The following MYO5B variants were observed in gnomAD, a reference collection of about 807,000 sequenced individuals.
The protein encoded by MYO5B is unconventional myosin-Vb.
MYO5B carries 143 observed loss-of-function variants against 229.3 expected under a neutral mutation model. The observed-to-expected ratio is 0.62, with a 90% CI of 0.54 to 0.72. The LOEUF (loss-of-function observed/expected upper bound fraction) is 0.72, where lower values mean the gene tolerates loss of function less well. Among genes scored for constraint, MYO5B ranks in the 30% least tolerant of loss-of-function variants. The pLI is 0.00. For missense variants in MYO5B, 2,321 were observed against 2,331.0 expected, an observed-to-expected ratio of 1.00 and a Z score of 0.09; for synonymous variants, 918 against 885.2, an observed-to-expected ratio of 1.04 and a Z score of -0.66.
chr18:50,040,951 TA>T (rs531286694), intron 2 of MYO5B, among the ~76,000 whole-genome samples: 1 of 152,220 alleles, frequency 6.6e-6, no homozygotes, highest in Non-Finnish European at 1.5e-5. Context: ...TGGACAACAT[TA>T]AGCACCCAAA....
At chr18:49,998,410 C>T (rs1464148795) in intron 5 of MYO5B, among the ~76,000 whole-genome samples, 1 of 152,150 alleles carries the variant, frequency 6.6e-6, no homozygotes, top group African/African-American at 2.4e-5. Flanking sequence ...AACTGAAGCA[C>T]GTTGAGCATA....
chr18:49,974,798 G>GACACACACAC (rs10680505), intron 9 of MYO5B, among the ~76,000 whole-genome samples, 183 bp from the exon 10 acceptor site: 17,754 of 130,944 alleles, frequency 0.14, 1,801 homozygotes, highest in Middle Eastern at 0.2. Flanking sequence ...CACACACACA[G>GACACACACAC]ACACACACAC....
At chr18:49,917,633 C>G (rs1425471414) in intron 17 of MYO5B, among the ~76,000 whole-genome samples, 1 of 152,214 alleles carries the variant, frequency 6.6e-6, no homozygotes, top group East Asian at 1.9e-4. Flanking sequence ...GTCTTTTAAC[C>G]TAATCACCCA....
At chr18:50,022,101 C>T (rs1434474850) in intron 4 of MYO5B, among the ~76,000 whole-genome samples, 1 of 151,550 alleles carries the variant, frequency 6.6e-6, no homozygotes. Context: ...TCCCTCCCCA[C>T]CATTTTTTTC....
chr18:49,966,226 T>C (rs1444290672), intron 10 of MYO5B, among the ~76,000 whole-genome samples: 1 of 152,130 alleles, frequency 6.6e-6, no homozygotes, highest in East Asian at 1.9e-4. Flanking sequence ...GGAAATCATT[T>C]AGAGATTAAA....
chr18:50,080,734 G>A (rs1295401482), intron 1 of MYO5B, among the ~76,000 whole-genome samples: 2 of 152,176 alleles, frequency 1.3e-5, no homozygotes, highest in Non-Finnish European at 2.9e-5. Context: ...ACGAAGGATG[G>A]TGCCAGGTTG....
intron 18 of MYO5B, among the ~76,000 whole-genome samples, chr18:49,907,534 T>C (rs1205179740): frequency 6.6e-6 from 1 of 152,162 alleles, no homozygotes; most frequent in Non-Finnish European, 1.5e-5. Flanking sequence ...GAGCTCTTTG[T>C]AAATCAACTG....
chr18:49,921,322 T>G (rs2025073343), intron 17 of MYO5B, among the ~76,000 whole-genome samples: 1 of 151,590 alleles, frequency 6.6e-6, no homozygotes, highest in South Asian at 2.1e-4. Context: ...ACACACACTT[T>G]TCGGGGTAAG....
At chr18:50,100,044 G>T (rs1483177346) in intron 1 of MYO5B, among the ~76,000 whole-genome samples, 1 of 152,152 alleles carries the variant, frequency 6.6e-6, no homozygotes, top group Non-Finnish European at 1.5e-5. Flanking sequence ...TCCAAGCTCA[G>T]ATCCAAGATA....
At chr18:50,091,458 G>C (rs558272313) in intron 1 of MYO5B, among the ~76,000 whole-genome samples, 1 of 152,264 alleles carries the variant, frequency 6.6e-6, no homozygotes, top group Admixed American at 6.5e-5. Flanking sequence ...ACTATGTATA[G>C]ATGGCACTTC....
intron 1 of MYO5B, among the ~76,000 whole-genome samples, chr18:50,095,884 G>A (rs1402360212): frequency 2.6e-5 from 4 of 152,200 alleles, no homozygotes; most frequent in Admixed American, 6.5e-5. Context: ...AATATCCTTA[G>A]AGATGAAAGT....
At chr18:49,828,283 A>G (rs540407404) in intron 39 of MYO5B, among the ~76,000 whole-genome samples, 31 of 152,390 alleles carry the variant, frequency 2.0e-4, no homozygotes, top group African/African-American at 7.5e-4. Context: ...GTCTGCTAAG[A>G]ATTCTAAATC....
chr18:49,924,398 T>C (rs554055084), intron 17 of MYO5B, among the ~76,000 whole-genome samples: 20 of 152,300 alleles, frequency 1.3e-4, no homozygotes, highest in Admixed American at 1.0e-3. Context: ...CCTAGGCTCA[T>C]TGAGATTAAT....
At chr18:50,155,814 C>A (rs1392176363) in intron 1 of MYO5B, among the ~76,000 whole-genome samples, 1 of 152,178 alleles carries the variant, frequency 6.6e-6, no homozygotes, top group Non-Finnish European at 1.5e-5. Context: ...CCACTACAAA[C>A]CAAGATCCAA....
chr18:49,974,780 C>CACACACACACAG (rs2025728733), intron 9 of MYO5B, among the ~76,000 whole-genome samples, 165 bp from the exon 10 acceptor site: 3 of 41,350 alleles, frequency 7.3e-5, no homozygotes, highest in Non-Finnish European at 1.5e-4. Flanking sequence ...CAGTCTCTCT[C>CACACACACACAG]ACACACACAC....
chr18:50,059,985 T>A (rs1012393063), intron 1 of MYO5B, among the ~76,000 whole-genome samples: 3 of 152,128 alleles, frequency 2.0e-5, no homozygotes, highest in African/African-American at 7.2e-5. Flanking sequence ...AAGACCACAG[T>A]AGCTGGGAAC....
intron 28 of MYO5B, 52 bp from the exon 29 acceptor site, chr18:49,863,379 T>A (rs904173062): frequency 6.7e-7 from 1 of 1,483,362 alleles, no homozygotes; most frequent in Admixed American, 1.7e-5. Context: ...TGCCACAAAA[T>A]GGCTTTATAT....
chr18:49,934,212 A>G (rs1220599117), intron 16 of MYO5B, among the ~76,000 whole-genome samples: 2 of 152,074 alleles, frequency 1.3e-5, no homozygotes, highest in African/African-American at 2.4e-5. Flanking sequence ...TGAGACACAG[A>G]GAGCAAAAGA....
At chr18:49,837,419 G>T in intron 37 of MYO5B, 98 bp downstream of exon 37, 1 of 1,433,644 alleles carries the variant, frequency 7.0e-7, no homozygotes, top group Non-Finnish European at 9.8e-7. Flanking sequence ...ATTAGATTTG[G>T]ATTTCATTTT....
Sources: gnomAD v4.1 joint callset for allele counts (sites outside exome capture counted in the v4.1 genomes callset) on GRCh38, gnomAD v4.1.1 for gene constraint, MANE v1.5 for transcripts, NCBI Gene and HGNC (gene_info 2026-07-23, HGNC 2026-07-21) for gene names.